The following ZNF595 variants were observed in gnomAD, a reference collection of about 807,000 sequenced individuals.
The protein encoded by ZNF595 is zinc finger protein 595.
A neutral mutation model predicts 19.4 loss-of-function variants in ZNF595; 9 were observed. The ratio of observed to expected loss-of-function variants is 0.46; its 90% CI spans 0.28 to 0.81. ZNF595 has a LOEUF of 0.81. ZNF595 is among the 30% of genes least tolerant of loss of function. The pLI, the probability that ZNF595 is intolerant of heterozygous loss-of-function variation, is 0.11. For missense variants in ZNF595, 729 were observed against 736.0 expected, an observed-to-expected ratio of 0.99 and a Z score of 0.11; for synonymous variants, 255 against 255.9, an observed-to-expected ratio of 1.00 and a Z score of 0.03.
At chr4:72,618 T>C (rs11734652) in intron 3 of ZNF595, among the ~76,000 whole-genome samples, 5,877 of 152,346 alleles carry the variant, frequency 0.039, 153 homozygotes, top group Non-Finnish European at 0.058. Context: ...GATTGCTTAA[T>C]TATTTGTTAT....
intron 3 of ZNF595, among the ~76,000 whole-genome samples, chr4:81,053 A>C (rs1033521223): frequency 1.3e-5 from 2 of 151,416 alleles, no homozygotes; most frequent in African/African-American, 4.9e-5. Flanking sequence ...TCATTGTTCA[A>C]CTCCCACTTA....
At chr4:64,424 A>G (rs1581328133) in intron 3 of ZNF595, among the ~76,000 whole-genome samples, 1 of 152,294 alleles carries the variant, frequency 6.6e-6, no homozygotes, top group Non-Finnish European at 1.5e-5. Context: ...AAAGTTTCCA[A>G]TTGCAATAGT....
chr4:83,639 AAAAAAAGAAAG>A (rs1308566625), intron 3 of ZNF595, among the ~76,000 whole-genome samples: 5 of 146,004 alleles, frequency 3.4e-5, no homozygotes, highest in African/African-American at 1.0e-4. Flanking sequence ...AAAAAAAAAA[AAAAAAAGAAAG>A]AAAGAAAGAA....
chr4:71,726 T>G (rs142741113), intron 3 of ZNF595, among the ~76,000 whole-genome samples: 4 of 152,330 alleles, frequency 2.6e-5, no homozygotes, highest in African/African-American at 9.6e-5. Context: ...CATTAAGATT[T>G]TCTTTCTCCA....
intron 3 of ZNF595, among the ~76,000 whole-genome samples, chr4:80,730 T>C (rs1191692501): frequency 2.6e-5 from 4 of 152,152 alleles, no homozygotes; most frequent in Admixed American, 2.6e-4. Context: ...GGTAATGTCA[T>C]CAGTTAAGGC....
rs1178558163 is a variant in ZNF595 at position 85,945 on chromosome 4, T to G, written c.441T>G (p.Cys147Trp). ...LSTTQSKIFQ[C>W]NTCVKVFSKF... ...CTACCCAGAGCAAAATATTTCAATG[T>G]AATACATGTGTTAAAGTTTTTAGTA... The change falls in exon 4 of 4, where the codon TGT (cysteine) becomes TGG (tryptophan). Residue 147 changes from cysteine to tryptophan, a missense_variant. Cys to Trp is a radical substitution (Grantham distance 215). Around this residue, in one of 2 missense-constraint regions of ZNF595, gnomAD observed 729 missense variants for 675.3 expected, o/e 1.08. Coordinates refer to ENST00000610261, the MANE Select transcript of ZNF595 (RefSeq NM_182524.4). 25 of 1,612,288 alleles carry G rather than the reference T, an allele frequency of 1.6e-5. No individual in the cohort carries two copies. The highest frequency in any genetic ancestry group is 2.1e-5 in the Non-Finnish European group (25 of 1,178,976).
At position 85,827 on chromosome 4, in the gene ZNF595, A is replaced by G. The variant is rs1714116226; in HGVS notation, c.323A>G (p.His108Arg). 2 of 1,614,052 alleles carry G rather than the reference A, an allele frequency of 1.2e-6. No homozygotes were observed. The highest frequency in any genetic ancestry group is 1.7e-5 in the Admixed American group (1 of 60,016). ...CTGAAAAGATACGAGAAATGTGGAC[A>G]TGAGAATTTACAATTAAGAAAAGGC... ...LILKRYEKCG[H>R]ENLQLRKGCK... Residue 108 changes from histidine (H) to arginine (R), a missense_variant, in exon 4 of 4, where the codon CAT becomes CGT. Physicochemically the swap from His to Arg is conservative, Grantham distance 29. Transcript: ENST00000610261.
rs189943558 is a variant in ZNF595, at chr4:80,303, G to A, written c.227-5428G>A. On this transcript the variant is annotated intron_variant, in intron 3 of 3. Coordinates refer to ENST00000610261, the MANE Select transcript of ZNF595 (RefSeq NM_182524.4). ...CAAAGTGCTGGGATTATAGGCGTGC[G>A]CCACCGCGCCCTGCTTGAGCATGTC... Among the ~76,000 whole-genome samples the A allele has an allele frequency of 3.8e-3, 572 of 152,318 alleles. 6 individuals are homozygous for A. In the Middle Eastern group the frequency reaches 0.048, roughly 13 times the overall value.
In ZNF595 at chr4:87,243, C is replaced by G. The variant is rs782783861; in HGVS notation, c.1739C>G (p.Thr580Ser). ...GCCTATAACTTATCCTCAACCCTTACTAAACATAAGAGAATTCATACTGGA... is the reference window on the plus strand; with the variant it reads ...GCCTATAACTTATCCTCAACCCTTAGTAAACATAAGAGAATTCATACTGGA... ...GKAYNLSSTL[T>S]KHKRIHTGEK... Residue 580 changes from threonine to serine, a missense_variant, in exon 4 of 4, where the codon ACT becomes AGT. Around this residue, in one of 2 missense-constraint regions of ZNF595, gnomAD observed 729 missense variants for 675.3 expected, o/e 1.08. Transcript: ENST00000610261. 10 of 1,593,430 alleles carry G rather than the reference C, an allele frequency of 6.3e-6. No individual in the cohort carries two copies. The South Asian group carries it at 8.9e-5, about 14-fold the overall frequency.
intron 3 of ZNF595, among the ~76,000 whole-genome samples, chr4:82,496 T>G (rs187898652): frequency 1.4e-4 from 21 of 147,880 alleles, no homozygotes; most frequent in African/African-American, 4.7e-4. Flanking sequence ...GCGATTCTCC[T>G]GCCTCAGCCT....
chr4:75,467 G>A (rs770378032), intron 3 of ZNF595, among the ~76,000 whole-genome samples: 4 of 152,096 alleles, frequency 2.6e-5, no homozygotes, highest in African/African-American at 4.8e-5. Context: ...TAATCCTTTC[G>A]TGAGAGTAGA....
intron 3 of ZNF595, among the ~76,000 whole-genome samples, chr4:80,733 GT>G (rs1713871492): frequency 6.6e-6 from 1 of 152,164 alleles, no homozygotes; most frequent in Non-Finnish European, 1.5e-5. Context: ...AATGTCATCA[GT>G]TAAGGCAGGA....
At chr4:79,224 ATT>A (rs1713803116) in intron 3 of ZNF595, among the ~76,000 whole-genome samples, 1 of 151,980 alleles carries the variant, frequency 6.6e-6, no homozygotes, top group African/African-American at 2.4e-5. Flanking sequence ...CTCTCATTTT[ATT>A]TAAGGTAATG....
Position 87,297 on chromosome 4 carries a change from G to A in ZNF595, c.1793G>A (p.Gly598Asp), listed in dbSNP as rs782432546. ...GEKPFTCEEC[G>D]KAFNWSSSLT... ...AAACCCTTCACATGTGAAGAATGTG[G>A]CAAAGCCTTCAATTGGTCCTCATCC... The change falls in exon 4 of 4, where the codon GGC (glycine) becomes GAC (aspartate). Residue 598 changes from glycine (G) to aspartate (D), a missense_variant. Physicochemically the swap from Gly to Asp is moderately conservative, Grantham distance 94. This residue lies in a region of ZNF595 where 729 missense variants were observed against 675.3 expected (regional missense o/e 1.08). Transcript: ENST00000610261. 18 of 1,613,498 alleles carry A rather than the reference G, an allele frequency of 1.1e-5. No individual in the cohort carries two copies. In the Admixed American group the frequency reaches 1.8e-4, roughly 16 times the overall value.
chr4:85,987 C>A lies in ZNF595; in HGVS notation c.483C>A (p.Asn161Lys), dbSNP rs1256335797. The stretch of plus-strand genomic sequence containing the variant: ...TTTTTAGTAAATTTTCAAATTCAAA[C>A]AAACATAAGATAAGACATACTGGAG... ...VKVFSKFSNS[N>K]KHKIRHTGEK... Residue 161 changes from asparagine (N) to lysine (K), a missense_variant, in exon 4 of 4, where the codon AAC (asparagine) becomes AAA (lysine). By Grantham distance (94) the Asn-to-Lys change is moderately conservative (BLOSUM62 0). Coordinates refer to ENST00000610261, the MANE Select transcript of ZNF595 (RefSeq NM_182524.4). 1 of 1,607,520 alleles carries A rather than the reference C, an allele frequency of 6.2e-7. No individual in the cohort carries two copies. The highest frequency in any genetic ancestry group is 8.5e-7 in the Non-Finnish European group (1 of 1,176,272).
intron 3 of ZNF595, among the ~76,000 whole-genome samples, chr4:84,167 C>G (rs910543559): frequency 1.3e-5 from 2 of 152,108 alleles, no homozygotes; most frequent in South Asian, 4.1e-4. Context: ...TATTTATTAA[C>G]AGATTATGAT....
chr4:74,466 T>C (rs1315123548), intron 3 of ZNF595, among the ~76,000 whole-genome samples: 1 of 152,250 alleles, frequency 6.6e-6, no homozygotes, highest in Admixed American at 6.5e-5. Context: ...TGTTAATATA[T>C]GTTCATATTT....
At chr4:71,843 G>C (rs1427128400) in intron 3 of ZNF595, among the ~76,000 whole-genome samples, 1 of 152,010 alleles carries the variant, frequency 6.6e-6, no homozygotes, top group African/African-American at 2.4e-5. Context: ...TTTCAGAATT[G>C]TGGAAGGGGA....
Position 86,655 on chromosome 4 carries a change from A to G in ZNF595, c.1151A>G (p.Asn384Ser). Residue 384 changes from asparagine (N) to serine (S), a missense_variant, in exon 4 of 4, where the codon AAT becomes AGT. Asn to Ser is a conservative substitution (Grantham distance 46, BLOSUM62 1). Around this residue, in one of 2 missense-constraint regions of ZNF595, gnomAD observed 729 missense variants for 675.3 expected, o/e 1.08. Coordinates refer to ENST00000610261, the MANE Select transcript of ZNF595 (RefSeq NM_182524.4). ...GCCTTTACTTGGTCCTCATCCCTTA[A>G]TAAACATAAGAGAATTCATACTGGA... Reference protein sequence around the residue: ...GKAFTWSSSLNKHKRIHTGEK... With the variant: ...GKAFTWSSSLSKHKRIHTGEK... The G allele has an allele frequency of 6.2e-7, 1 of 1,612,480 alleles. No individual in the cohort carries two copies. The highest frequency in any genetic ancestry group is 1.1e-5 in the South Asian group (1 of 90,956).
Sources: allele counts gnomAD v4.1 joint callset (sites outside exome capture counted in the v4.1 genomes callset), GRCh38; gene constraint gnomAD v4.1.1; regional missense constraint gnomAD v4.1.1; transcripts MANE v1.5; gene names NCBI Gene and HGNC (gene_info 2026-07-23, HGNC 2026-07-21).